Variants in XKR4 observed in about 807,000 individuals in gnomAD.
XKR4 encodes the protein XK-related protein 4.
Under a neutral mutation model 53.9 loss-of-function variants are expected in XKR4, and 12 were observed. That is an observed-to-expected ratio of 0.22 (90% CI 0.14 to 0.36). XKR4 has a LOEUF of 0.36. Ranked by LOEUF, XKR4 falls within the 10% of genes least tolerant of loss-of-function variation. The pLI, the probability that XKR4 is intolerant of heterozygous loss-of-function variation, is 1.00. For missense variants in XKR4, 799 were observed against 859.5 expected (o/e 0.93, Z 0.88); for synonymous variants, 354 against 362.4 (o/e 0.98, Z 0.26).
chr8:55,258,204 A>G (rs779415423), intron 1 of XKR4, among the ~76,000 whole-genome samples: 4 of 152,206 alleles, frequency 2.6e-5, no homozygotes, highest in Non-Finnish European at 5.9e-5. Context: ...CCTCCAAAGC[A>G]GTGTCTTCCC....
chr8:55,385,344 G>A (rs115592265), intron 2 of XKR4, among the ~76,000 whole-genome samples: 1,998 of 152,140 alleles, frequency 0.013, 48 homozygotes, highest in African/African-American at 0.046. Flanking sequence ...CTCACCCTGC[G>A]CTCCTCCCAT....
At chr8:55,396,412 T>TTTTTG in intron 2 of XKR4, among the ~76,000 whole-genome samples, 1 of 144,358 alleles carries the variant, frequency 6.9e-6, no homozygotes, top group Non-Finnish European at 1.5e-5. Flanking sequence ...TTTTTTTTTT[T>TTTTTG]TTTTTTGCAG....
At chr8:55,346,660 AC>A (rs889176116) in intron 1 of XKR4, among the ~76,000 whole-genome samples, 3 of 150,960 alleles carry the variant, frequency 2.0e-5, no homozygotes, top group African/African-American at 7.4e-5. Context: ...CTTAAGAGTA[AC>A]AAAAACAGAA....
chr8:55,465,315 T>C (rs116147130), intron 2 of XKR4, among the ~76,000 whole-genome samples: 62,325 of 151,376 alleles, frequency 0.41, 13,468 homozygotes, highest in East Asian at 0.53. Context: ...CATAACAGAG[T>C]CCCAGAAATA....
chr8:55,515,656 G>A (rs573167724), intron 2 of XKR4, among the ~76,000 whole-genome samples: 68 of 152,278 alleles, frequency 4.5e-4, no homozygotes, highest in Non-Finnish European at 7.6e-4. Context: ...ATCAGAAAGT[G>A]CAAAGAGGAG....
chr8:55,481,945 G>T (rs1257249624), intron 2 of XKR4, among the ~76,000 whole-genome samples: 1 of 152,190 alleles, frequency 6.6e-6, no homozygotes, highest in Non-Finnish European at 1.5e-5. Flanking sequence ...TCCACTGTTG[G>T]TGGGACTGTA....
intron 2 of XKR4, among the ~76,000 whole-genome samples, chr8:55,388,906 C>G (rs114859401): frequency 0.013 from 2,007 of 152,322 alleles, 49 homozygotes; most frequent in African/African-American, 0.046. Context: ...TGTGACACCA[C>G]AAAATATGCC....
At chr8:55,345,393 G>T (rs1803621498) in intron 1 of XKR4, among the ~76,000 whole-genome samples, 1 of 152,202 alleles carries the variant, frequency 6.6e-6, no homozygotes, top group South Asian at 2.1e-4. Context: ...TGTACTTTGT[G>T]TAAGCTTACA....
intron 1 of XKR4, among the ~76,000 whole-genome samples, chr8:55,334,266 G>T (rs1803422438): frequency 6.6e-6 from 1 of 152,084 alleles, no homozygotes; most frequent in South Asian, 2.1e-4. Flanking sequence ...CTACATATGG[G>T]GTAAATGACT....
At chr8:55,126,772 C>T (rs548049410) in intron 1 of XKR4, among the ~76,000 whole-genome samples, 1 of 152,354 alleles carries the variant, frequency 6.6e-6, no homozygotes, top group South Asian at 2.1e-4. Flanking sequence ...TTTAGGCATT[C>T]ACTCATTCAT....
chr8:55,385,929 CTTTAT>C (rs1318597723), intron 2 of XKR4, among the ~76,000 whole-genome samples: 1 of 151,858 alleles, frequency 6.6e-6, no homozygotes, highest in Non-Finnish European at 1.5e-5. Flanking sequence ...TTTGTGTTGT[CTTTAT>C]TTTTTTTCTG....
rs747831195 is a variant in XKR4, at chr8:55,466,883, T to G, written c.1007-56398T>G. ...ATACCTCAGGATAAATTCTCAAGATTGGGCTAAGTTATTTGATTAAAAAAT... is the reference window on the plus strand; with the variant it reads ...ATACCTCAGGATAAATTCTCAAGATGGGGCTAAGTTATTTGATTAAAAAAT... On this transcript the variant is annotated intron_variant, in intron 2 of 2. Transcript: ENST00000327381. Among the ~76,000 whole-genome samples the G allele has an allele frequency of 1.1e-4, 16 of 152,310 alleles. 1 individual carries two copies. The highest frequency in any genetic ancestry group is 3.9e-4 in the Admixed American group (6 of 15,304).
chr8:55,270,213 G>T (rs1365731247), intron 1 of XKR4, among the ~76,000 whole-genome samples: 1 of 152,164 alleles, frequency 6.6e-6, no homozygotes, highest in Non-Finnish European at 1.5e-5. Flanking sequence ...ACATATTGGA[G>T]TGAATCACCT....
intron 1 of XKR4, among the ~76,000 whole-genome samples, chr8:55,124,370 C>T (rs1372173449): frequency 1.3e-5 from 2 of 152,214 alleles, no homozygotes; most frequent in African/African-American, 2.4e-5. Flanking sequence ...CAGCATTGTT[C>T]CCTGAAGGCG....
intron 2 of XKR4, among the ~76,000 whole-genome samples, chr8:55,370,722 G>A (rs1804059952): frequency 6.6e-6 from 1 of 152,106 alleles, no homozygotes; most frequent in Non-Finnish European, 1.5e-5. Context: ...GGGTATAAAA[G>A]AAAGATGACA....
At chr8:55,178,717 C>A (rs2129359436) in intron 1 of XKR4, among the ~76,000 whole-genome samples, 1 of 152,276 alleles carries the variant, frequency 6.6e-6, no homozygotes, top group African/African-American at 2.4e-5. Flanking sequence ...TTCTTTTGAC[C>A]TCCATTTCCT....
rs555461535 is a variant in XKR4, at chr8:55,283,826, A to G, written c.807-73852A>G. On this transcript the variant is annotated intron_variant, in intron 1 of 2. Transcript: ENST00000327381. Reference sequence around the variant, plus strand: ...CTCACAGTTATTTTCCTTGGGTCTGATGTGAGGCCAGCTCATTTCACAATG... The same window carrying G: ...CTCACAGTTATTTTCCTTGGGTCTGGTGTGAGGCCAGCTCATTTCACAATG... 4.3e-4 allele frequency among the ~76,000 whole-genome samples: 66 copies of G among 152,326 alleles called. No homozygotes were observed. In the South Asian group the frequency reaches 0.013, roughly 29 times the overall value.
At chr8:55,380,187 C>A (rs942003414) in intron 2 of XKR4, among the ~76,000 whole-genome samples, 2 of 151,792 alleles carry the variant, frequency 1.3e-5, no homozygotes, top group Non-Finnish European at 2.9e-5. Context: ...CAAATATGTG[C>A]TAGCATCCTT....
chr8:55,263,591 A>T (rs184810881), intron 1 of XKR4, among the ~76,000 whole-genome samples: 67 of 152,386 alleles, frequency 4.4e-4, no homozygotes, highest in African/African-American at 1.4e-3. Context: ...AATGCTATTT[A>T]TAGCACACCT....
Sources: allele counts gnomAD v4.1 joint callset (sites outside exome capture counted in the v4.1 genomes callset), GRCh38; gene constraint gnomAD v4.1.1; transcripts MANE v1.5; gene names NCBI Gene and HGNC (gene_info 2026-07-23, HGNC 2026-07-21).